The following TBC1D12 variants were observed in gnomAD, a reference collection of about 807,000 sequenced individuals.
TBC1D12 encodes the protein TBC1 domain family, member 12.
TBC1D12 carries 56 observed loss-of-function variants against 86.7 expected under a neutral mutation model. That is an observed-to-expected ratio of 0.65 (90% CI 0.52 to 0.81). The LOEUF is 0.81. TBC1D12 is among the 30% of genes least tolerant of loss of function. The probability of loss-of-function intolerance (pLI) is 0.00; values close to 1 mark genes in which losing one functional copy is unlikely to be tolerated. For synonymous variants in TBC1D12, 421 were observed against 411.7 expected (o/e 1.02, Z -0.27); for missense variants, 1,023 against 1,038.8 (o/e 0.98, Z 0.21).
intron 6 of TBC1D12, chr10:94,501,634 C>T (rs1435123752): frequency 6.6e-6 from 1 of 151,866 alleles, no homozygotes; most frequent in Admixed American, 6.6e-5. Flanking sequence ...GTAACCTCCG[C>T]CTCCCGGGTT....
At chr10:94,512,986 C>T (rs758037096) in intron 9 of TBC1D12, among the ~76,000 whole-genome samples, 16 of 151,978 alleles carry the variant, frequency 1.1e-4, no homozygotes, top group Non-Finnish European at 1.5e-4. Flanking sequence ...TGGTGGCTCA[C>T]GCCTGTAATC....
At chr10:94,434,891 C>T (rs989996569) in intron 1 of TBC1D12, among the ~76,000 whole-genome samples, 5 of 152,074 alleles carry the variant, frequency 3.3e-5, no homozygotes, top group Non-Finnish European at 7.4e-5. Flanking sequence ...ACCCTTATGA[C>T]CTAAATACCT....
chr10:94,428,702 A>C (rs149679835), intron 1 of TBC1D12, among the ~76,000 whole-genome samples: 374 of 151,656 alleles, frequency 2.5e-3, no homozygotes, highest in African/African-American at 8.8e-3. Context: ...CCTGTGGCCC[A>C]TTTGTGTAGG....
chr10:94,469,757 C>A (rs2055876307), intron 2 of TBC1D12, among the ~76,000 whole-genome samples: 2 of 152,006 alleles, frequency 1.3e-5, no homozygotes, highest in African/African-American at 4.8e-5. Flanking sequence ...ACCTGGAGTT[C>A]TTTCCTGATG....
chr10:94,427,432 A>G (rs1261057933), intron 1 of TBC1D12, among the ~76,000 whole-genome samples: 1 of 152,248 alleles, frequency 6.6e-6, no homozygotes, highest in African/African-American at 2.4e-5. Flanking sequence ...AAAACATGTC[A>G]TGCATGATGT....
intron 11 of TBC1D12, among the ~76,000 whole-genome samples, chr10:94,527,094 G>C (rs1310420019): frequency 6.6e-6 from 1 of 151,814 alleles, no homozygotes; most frequent in Non-Finnish European, 1.5e-5. Context: ...GTGTGTGTGT[G>C]TGTGTGTGTG....
chr10:94,510,920 T>A (rs1161905502), intron 8 of TBC1D12, among the ~76,000 whole-genome samples: 1 of 152,118 alleles, frequency 6.6e-6, no homozygotes, highest in Non-Finnish European at 1.5e-5. Context: ...TTAGTTTAGC[T>A]TGATGGTTTT....
intron 6 of TBC1D12, among the ~76,000 whole-genome samples, chr10:94,505,317 G>A (rs780779026): frequency 1.4e-4 from 22 of 152,162 alleles, no homozygotes; most frequent in Non-Finnish European, 1.0e-4. Context: ...GGTGGCTTAC[G>A]CCTGTAATCC....
At chr10:94,452,578 C>T (rs1028151711) in intron 2 of TBC1D12, among the ~76,000 whole-genome samples, 2 of 152,102 alleles carry the variant, frequency 1.3e-5, no homozygotes, top group African/African-American at 4.8e-5. Context: ...TAGTAATATA[C>T]ATTTATATTT....
chr10:94,496,032 G>A (rs762994086), intron 4 of TBC1D12, among the ~76,000 whole-genome samples: 9 of 151,986 alleles, frequency 5.9e-5, no homozygotes, highest in Non-Finnish European at 1.2e-4. Context: ...GATCCCGGGA[G>A]GTAGAGGTTG....
At chr10:94,485,110 T>C (rs1349069940) in intron 3 of TBC1D12, among the ~76,000 whole-genome samples, 1 of 152,228 alleles carries the variant, frequency 6.6e-6, no homozygotes, top group African/African-American at 2.4e-5. Context: ...CTGATTGCTC[T>C]AGCTAGGACT....
At chr10:94,473,084 G>C (rs899535390) in intron 2 of TBC1D12, among the ~76,000 whole-genome samples, 1 of 152,080 alleles carries the variant, frequency 6.6e-6, no homozygotes, top group African/African-American at 2.4e-5. Context: ...GCCGGGCACG[G>C]TGGCTCACGC....
chr10:94,446,752 A>G, intron 2 of TBC1D12, among the ~76,000 whole-genome samples: 1 of 152,176 alleles, frequency 6.6e-6, no homozygotes, highest in East Asian at 1.9e-4. Flanking sequence ...AGACATCTGT[A>G]AGATTACACA....
intron 1 of TBC1D12, among the ~76,000 whole-genome samples, chr10:94,403,991 G>T (rs1299796389): frequency 6.6e-6 from 1 of 152,152 alleles, no homozygotes; most frequent in Non-Finnish European, 1.5e-5. Flanking sequence ...GTTGTTGGGG[G>T]GGTGGTGAGG....
chr10:94,431,870 A>C (rs2055220261), intron 1 of TBC1D12, among the ~76,000 whole-genome samples: 1 of 152,174 alleles, frequency 6.6e-6, no homozygotes, highest in Non-Finnish European at 1.5e-5. Flanking sequence ...AAGGGGGCAG[A>C]GAGAAGCTAG....
At position 94,521,993 on chromosome 10, in the gene TBC1D12, C is replaced by T; in HGVS notation, c.1800C>T (p.Leu600=). 1 of 1,612,248 alleles carries T rather than the reference C, an allele frequency of 6.2e-7. No homozygotes were observed. Among genetic ancestry groups the T allele is most frequent in the Non-Finnish European group, 8.5e-7 (1 of 1,178,760 alleles). ...GMSFIAAVLI[L]NLEEADAFIA... ...CCTTCATTGCAGCAGTACTCATTCT[C>T]AATTTGGAAGAGGCAGATGCCTTTA... Residue 600 remains leucine, a synonymous_variant, in exon 10 of 13, where the codon CTC becomes CTT. Coordinates refer to ENST00000225235, the MANE Select transcript of TBC1D12 (RefSeq NM_015188.2).
Position 94,513,003 on chromosome 10 carries a change from CTT to C in TBC1D12, c.1761+1351_1761+1352del, listed in dbSNP as rs538650624. On this transcript the variant is annotated intron_variant, in intron 9 of 12. Transcript: ENST00000225235. Reference sequence around the variant, plus strand: ...GTGGCTCACGCCTGTAATCCCAGCACTTTGGGAGGCCTAGGCGGGCAGATTCC... The same window carrying C: ...GTGGCTCACGCCTGTAATCCCAGCACTGGGAGGCCTAGGCGGGCAGATTCC... Among the ~76,000 whole-genome samples, 58 of 152,138 alleles carry C rather than the reference CTT, an allele frequency of 3.8e-4. No homozygotes were observed. The East Asian group carries it at 9.9e-3, about 26-fold the overall frequency.
At chr10:94,447,414 G>T (rs2055485035) in intron 2 of TBC1D12, among the ~76,000 whole-genome samples, 1 of 152,056 alleles carries the variant, frequency 6.6e-6, no homozygotes, top group African/African-American at 2.4e-5. Flanking sequence ...ATAAGTGAAA[G>T]AATCTGTTAA....
chr10:94,433,275 C>T (rs542951602), intron 1 of TBC1D12, among the ~76,000 whole-genome samples: 1 of 152,220 alleles, frequency 6.6e-6, no homozygotes, highest in Admixed American at 6.5e-5. Flanking sequence ...CGTGCCACCA[C>T]ACCAGGCTAA....
Sources: gnomAD v4.1 joint callset for allele counts (sites outside exome capture counted in the v4.1 genomes callset) on GRCh38, gnomAD v4.1.1 for gene constraint, MANE v1.5 for transcripts, NCBI Gene and HGNC (gene_info 2026-07-23, HGNC 2026-07-21) for gene names.